ADGRL4: variants seen among roughly 807,000 people sequenced by gnomAD.
The protein encoded by ADGRL4 is adhesion G protein-coupled receptor L4, also known as EGF, latrophilin and seven transmembrane domain containing 1.
In ADGRL4, 90 loss-of-function variants were observed where a neutral mutation model predicts 74.8. The ratio of observed to expected loss-of-function variants is 1.20; its 90% confidence interval spans 1.02 to 1.43. ADGRL4 has a LOEUF of 1.43. Among genes scored for constraint, ADGRL4 ranks in the 40% most tolerant of loss-of-function variants. ADGRL4 has a pLI of 0.00. For synonymous variants in ADGRL4, 311 were observed against 279.2 expected (o/e 1.11, Z -1.14); for missense variants, 881 against 814.3 (o/e 1.08, Z -1.00).
At chr1:78,998,191 C>G (rs1245818354) in intron 2 of ADGRL4, among the ~76,000 whole-genome samples, 1 of 151,648 alleles carries the variant, frequency 6.6e-6, no homozygotes, top group Admixed American at 6.6e-5. Flanking sequence ...TGGCATTTGA[C>G]GCTGCTTTGA....
At chr1:78,900,699 A>G (rs943964152) in intron 12 of ADGRL4, among the ~76,000 whole-genome samples, 3 of 152,052 alleles carry the variant, frequency 2.0e-5, no homozygotes, top group Non-Finnish European at 4.4e-5. Flanking sequence ...TCACTATGTG[A>G]AGACGTACTT....
chr1:78,930,401 G>T (rs1413818367), intron 7 of ADGRL4, among the ~76,000 whole-genome samples: 1 of 148,832 alleles, frequency 6.7e-6, no homozygotes, highest in African/African-American at 2.5e-5. Context: ...TGATTAAATT[G>T]AAATAGTAAC....
chr1:78,935,927 T>G (rs1649342398), intron 7 of ADGRL4, among the ~76,000 whole-genome samples: 1 of 87,166 alleles, frequency 1.1e-5, no homozygotes. Context: ...ATCGAGACCA[T>G]CCTGGCTAAC....
chr1:78,939,154 C>A lies in ADGRL4; in HGVS notation c.396+34G>T. On this transcript the variant is annotated intron_variant, in intron 4 of 14. Transcript: ENST00000370742. ...AGCATTTTAATTGAAACCAAAATGT[C>A]AAAATAAAATAAATTGTTAACTGTT... The A allele has an allele frequency of 2.6e-6, 4 of 1,516,940 alleles. No individual in the cohort carries two copies. In the South Asian group the frequency reaches 5.2e-5, roughly 20 times the overall value. 94.0% of individuals were successfully genotyped at this position (1,516,940 alleles called of 1,614,324 possible).
rs1446774206 is a variant in ADGRL4 at position 78,938,175 on chromosome 1, A to G, written c.501T>C (p.Ala167=). ...TDIITYIEIL[A]ESSSLLGYKN... ...TGTAACCTAGTAATGAAGATGATTCAGCTAATATTTCTATATATGTAATTA... is the reference window on the plus strand; with the variant it reads ...TGTAACCTAGTAATGAAGATGATTCGGCTAATATTTCTATATATGTAATTA... Residue 167 remains alanine, a synonymous_variant, in exon 5 of 15, where the codon GCT becomes GCC. Transcript: ENST00000370742. 6.2e-7 allele frequency: 1 copy of G among 1,612,552 alleles called. No homozygotes were observed. Among genetic ancestry groups the G allele is most frequent in the Non-Finnish European group, 8.5e-7 (1 of 1,179,448 alleles).
chr1:78,902,402 A>C (rs1308396940), intron 12 of ADGRL4, among the ~76,000 whole-genome samples: 1 of 152,190 alleles, frequency 6.6e-6, no homozygotes, highest in Non-Finnish European at 1.5e-5. Context: ...CACCATTACC[A>C]TTATTATTTC....
chr1:78,934,655 CTGACAAAGGTCTAA>C (rs1171380784), intron 7 of ADGRL4, among the ~76,000 whole-genome samples: 1 of 152,136 alleles, frequency 6.6e-6, no homozygotes, highest in African/African-American at 2.4e-5. Flanking sequence ...ATCTATCCAT[CTGACAAAGGTCTAA>C]TACCCAGCAT....
At chr1:78,994,418 G>A (rs1022217113) in intron 2 of ADGRL4, among the ~76,000 whole-genome samples, 8 of 152,044 alleles carry the variant, frequency 5.3e-5, no homozygotes, top group Non-Finnish European at 1.2e-4. Context: ...ACAATAAAAT[G>A]GGGCATCAAC....
rs990442775 is a variant in ADGRL4 at position 78,890,838 on chromosome 1, T to C, written c.*316A>G. 27 of 300,624 alleles carry C rather than the reference T, an allele frequency of 9.0e-5. No homozygotes were observed. Among genetic ancestry groups the C allele is most frequent in the African/African-American group, 5.2e-4 (24 of 45,802 alleles). 18.6% of individuals were successfully genotyped at this position (300,624 alleles called of 1,614,324 possible). The stretch of plus-strand genomic sequence containing the variant: ...AGTGGTTTCCTTCAGGACATTCATA[T>C]ACTTCTCGTGTTAGAAAGAAAATCT... On this transcript the variant is annotated 3_prime_UTR_variant, in exon 15 of 15. Transcript: ENST00000370742.
At chr1:78,974,572 A>G (rs1179344669) in intron 2 of ADGRL4, among the ~76,000 whole-genome samples, 1 of 152,194 alleles carries the variant, frequency 6.6e-6, no homozygotes, top group Non-Finnish European at 1.5e-5. Flanking sequence ...ACACAGGTGT[A>G]TTATCATACA....
rs144530958 is a variant in ADGRL4 at position 78,999,318 on chromosome 1, T to A, written c.172+5752A>T. On this transcript the variant is annotated intron_variant, in intron 2 of 14. Transcript: ENST00000370742. ...TTTGGGGGAAGTATTGGAAGTGCTA[T>A]CTCTGCTATTTCTTTAGTCACCTTT... is the stretch of plus-strand genomic sequence containing the variant. 2.6e-3 allele frequency among the ~76,000 whole-genome samples: 403 copies of A among 152,294 alleles called. 1 individual carries two copies. Among genetic ancestry groups the A allele is most frequent in the African/African-American group, 9.4e-3 (389 of 41,562 alleles).
At chr1:78,914,659 G>A (rs1226130749) in intron 12 of ADGRL4, among the ~76,000 whole-genome samples, 2 of 151,374 alleles carry the variant, frequency 1.3e-5, no homozygotes, top group African/African-American at 4.9e-5. Context: ...TTTCTTCAGG[G>A]ACTGCCATAA....
chr1:78,988,926 T>A (rs963489448), intron 2 of ADGRL4, among the ~76,000 whole-genome samples: 4 of 151,922 alleles, frequency 2.6e-5, no homozygotes. Context: ...ATAAGCTTTA[T>A]GCCGAAGTAT....
chr1:78,941,489 T>C (rs1235824454), intron 3 of ADGRL4, among the ~76,000 whole-genome samples: 1 of 152,212 alleles, frequency 6.6e-6, no homozygotes, highest in Non-Finnish European at 1.5e-5. Context: ...TTGAATACCC[T>C]TGTTTTGTAG....
intron 2 of ADGRL4, among the ~76,000 whole-genome samples, chr1:78,953,800 C>CTA (rs577304417): frequency 1.1e-3 from 160 of 152,278 alleles, no homozygotes; most frequent in African/African-American, 3.7e-3. Context: ...GAACACATAA[C>CTA]ACAAGTGCTA....
At position 78,917,720 on chromosome 1, in the gene ADGRL4, T is replaced by C; in HGVS notation, c.1683-20A>G. The C allele has an allele frequency of 2.5e-6, 4 of 1,598,216 alleles. No homozygotes were observed. Among genetic ancestry groups the C allele is most frequent in the African/African-American group, 1.4e-5 (1 of 74,046 alleles). ...CAACATCTGAAAAGTAAATAAAAGA[T>C]AGAATCTATAAATATGTTTGCATGT... On this transcript the variant is annotated intron_variant, in intron 11 of 14. Transcript: ENST00000370742.
chr1:78,933,339 T>C (rs1649285511), intron 7 of ADGRL4, among the ~76,000 whole-genome samples: 1 of 151,406 alleles, frequency 6.6e-6, no homozygotes, highest in South Asian at 2.1e-4. Flanking sequence ...CACATGATCA[T>C]CTCAATAGAT....
At chr1:78,980,881 A>C (rs1254570845) in intron 2 of ADGRL4, among the ~76,000 whole-genome samples, 1 of 152,028 alleles carries the variant, frequency 6.6e-6, no homozygotes, top group Non-Finnish European at 1.5e-5. Flanking sequence ...CCTAAATGTA[A>C]CCGAAATTTC....
chr1:78,898,093 T>TA (rs950928408), intron 12 of ADGRL4, among the ~76,000 whole-genome samples: 232 of 151,746 alleles, frequency 1.5e-3, no homozygotes, highest in African/African-American at 5.4e-3. Flanking sequence ...GAAATGAGGT[T>TA]AAAAAAAAGG....
Sources: allele counts gnomAD v4.1 joint callset (sites outside exome capture counted in the v4.1 genomes callset), GRCh38; gene constraint gnomAD v4.1.1; transcripts MANE v1.5; gene names NCBI Gene and HGNC (gene_info 2026-07-23, HGNC 2026-07-21).